Variants in KRT28 observed in about 807,000 individuals in gnomAD.
KRT28 encodes the protein keratin, type I cytoskeletal 28.
In KRT28, 45 loss-of-function variants were observed where a neutral mutation model predicts 48.1. The ratio of observed to expected loss-of-function variants is 0.94; its 90% CI spans 0.74 to 1.20. KRT28 has a LOEUF of 1.20. Among genes scored for constraint, KRT28 ranks in the 50% most tolerant of loss-of-function variants. KRT28 has a pLI of 0.00. For synonymous variants in KRT28, 228 were observed against 227.4 expected (o/e 1.00, Z -0.03); for missense variants, 571 against 574.1 (o/e 0.99, Z 0.06).
chr17:40,799,354 C>T (rs1397642148), intron 1 of KRT28, 90 bp downstream of exon 1: 2 of 1,034,996 alleles, frequency 1.9e-6, no homozygotes, highest in African/African-American at 1.6e-5. Context: ...CAAGTTATAA[C>T]AGTCATGAAG....
At chr17:40,793,666 G>A (rs1762087178) in intron 6 of KRT28, among the ~76,000 whole-genome samples, 163 bp downstream of exon 6, 1 of 152,080 alleles carries the variant, frequency 6.6e-6, no homozygotes, top group Non-Finnish European at 1.5e-5. Context: ...GTGATGAACA[G>A]GATTTGGAAG....
At position 40,793,119 on chromosome 17, in the gene KRT28, A is replaced by G. The variant is rs191543409; in HGVS notation, c.1252+36T>C. ...TGTCTCAAAAAAATTTAAAAAAAGAAAAGAAAAGAAAAGAAATAGAACTAG... is the reference window on the plus strand; with the variant it reads ...TGTCTCAAAAAAATTTAAAAAAAGAGAAGAAAAGAAAAGAAATAGAACTAG... On this transcript the variant is annotated intron_variant, in intron 7 of 7. Transcript: ENST00000306658. 1.6e-4 allele frequency: 228 copies of G among 1,410,538 alleles called. 3 individuals carry two copies. The Admixed American group carries it at 5.0e-3, about 31-fold the overall frequency. 87.4% of individuals were successfully genotyped at this position (1,410,538 alleles called of 1,614,324 possible).
rs764011392 is a variant in KRT28, at chr17:40,792,597, A to G, written c.1253-28T>C. 5.1e-6 allele frequency: 8 copies of G among 1,556,320 alleles called. No individual in the cohort carries two copies. In the East Asian group the frequency reaches 1.8e-4, roughly 35 times the overall value. ...AGAAATAAAACATAGGCATACATAT[A>G]TTCAACCAAAAAGATTACATGACAA... is the stretch of plus-strand genomic sequence containing the variant. On this transcript the variant is annotated intron_variant, in intron 7 of 7. Coordinates refer to ENST00000306658, the MANE Select transcript of KRT28 (RefSeq NM_181535.3).
rs756835671 is a variant in KRT28, at chr17:40,793,933, G to A, written c.1092C>T (p.Thr364=). 2.4e-5 allele frequency: 39 copies of A among 1,613,806 alleles called. No individual in the cohort carries two copies. Among genetic ancestry groups the A allele is most frequent in the Non-Finnish European group, 3.1e-5 (37 of 1,179,872 alleles). The stretch of plus-strand genomic sequence containing the variant: ...ACTCCAGCTTCTGGCCCTCGGTCTC[G>A]GTTCTGACCTGGTGCAGCTGCTCCT... The part of the protein sequence containing the change: ...ALEEQLHQVR[T]ETEGQKLEYE... Residue 364 remains threonine, a synonymous_variant, in exon 6 of 8, where the codon ACC becomes ACT. Transcript: ENST00000306658.
chr17:40,795,377 C>T (rs2143071336), intron 5 of KRT28, among the ~76,000 whole-genome samples: 1 of 152,256 alleles, frequency 6.6e-6, no homozygotes, highest in East Asian at 1.9e-4. Context: ...ACTCATAAGT[C>T]AGAGAGGACA....
At chr17:40,793,440 TA>T (rs1190703403) in intron 6 of KRT28, among the ~76,000 whole-genome samples, 1 of 152,080 alleles carries the variant, frequency 6.6e-6, no homozygotes, top group Non-Finnish European at 1.5e-5. Context: ...CCCAAGAATT[TA>T]AAACTTAAGG....
chr17:40,792,687 A>C (rs185184571), intron 7 of KRT28, 118 bp from the exon 8 acceptor site: 2 of 739,028 alleles, frequency 2.7e-6, no homozygotes, highest in Non-Finnish European at 4.2e-6. Context: ...GTATATATTT[A>C]TAATAATAGC....
intron 2 of KRT28, 138 bp from the exon 3 acceptor site, chr17:40,798,529 G>C: frequency 2.3e-6 from 2 of 872,204 alleles, no homozygotes; most frequent in Non-Finnish European, 3.4e-6. Context: ...TGAAGAAAGC[G>C]CTCCTGCATT....
chr17:40,797,304 C>CT, intron 3 of KRT28, 23 bp from the exon 4 acceptor site: 2 of 1,604,238 alleles, frequency 1.2e-6, no homozygotes, highest in Non-Finnish European at 1.7e-6. Context: ...AAGAGTGTGG[C>CT]TTTAGGGGCA....
rs772215881 is a variant in KRT28 at position 40,798,343 on chromosome 17, G to A, written c.582C>T (p.Asn194=). The change falls in exon 3 of 8, where the codon AAC becomes AAT. Residue 194 remains asparagine (N), a synonymous_variant. Transcript: ENST00000306658. ...GCTCGTCCAGGACTCGCCGTAATCC[G>A]TTGATGTCGGCCTCTACGTTTTGGT... ...TLHQNVEADI[N]GLRRVLDELT... The A allele has an allele frequency of 3.3e-5, 53 of 1,612,728 alleles. No individual in the cohort carries two copies. The highest frequency in any genetic ancestry group is 1.2e-4 in the South Asian group (11 of 91,068).
rs1455845184 is a variant in KRT28 at position 40,797,240 on chromosome 17, G to A, written c.732C>T (p.Asn244=). The part of the protein sequence containing the change: ...ALQCAAGGNV[N]VEMNAAPGVD... ...CCCCCGGGGCCGCGTTCATCTCCACGTTCACGTTGCCCCCAGCCGCGCACT... is the reference window on the plus strand; with the variant it reads ...CCCCCGGGGCCGCGTTCATCTCCACATTCACGTTGCCCCCAGCCGCGCACT... Residue 244 remains asparagine, a synonymous_variant, in exon 4 of 8, where the codon AAC becomes AAT. Transcript: ENST00000306658. 6.2e-6 allele frequency: 10 copies of A among 1,614,116 alleles called. No individual in the cohort carries two copies. The highest frequency in any genetic ancestry group is 7.6e-6 in the Non-Finnish European group (9 of 1,180,010).
Position 40,799,727 on chromosome 17 carries a change from A to G in KRT28, c.167T>C (p.Val56Ala), listed in dbSNP as rs765541530. The G allele has an allele frequency of 4.3e-6, 7 of 1,614,070 alleles. No individual in the cohort carries two copies. The highest frequency in any genetic ancestry group is 1.1e-5 in the South Asian group (1 of 91,056). ...ACCACCAGCATGGCTCCCACCAGGA[A>G]CACTGCCCAAGCCCCCTCCCAAGGC... The part of the protein sequence containing the change: ...SCALGGGLGS[V>A]PGGSHAGGAL... Residue 56 changes from valine (V) to alanine (A), a missense_variant, in exon 1 of 8, where the codon GTT (valine) becomes GCT (alanine). Transcript: ENST00000306658.
intron 5 of KRT28, 53 bp downstream of exon 5, chr17:40,796,863 C>T: frequency 1.2e-5 from 18 of 1,524,384 alleles, no homozygotes; most frequent in Non-Finnish European, 1.5e-5. Context: ...GGAAGTGTTT[C>T]TCGGAGGCTT....
At chr17:40,796,810 T>C in intron 5 of KRT28, 106 bp downstream of exon 5, 3 of 1,414,496 alleles carry the variant, frequency 2.1e-6, no homozygotes, top group Admixed American at 4.6e-5. Flanking sequence ...TGCTAAGTAT[T>C]TGCAGGCAAA....
Position 40,794,011 on chromosome 17 carries a change from C to G in KRT28, c.1014G>C (p.Glu338Asp), listed in dbSNP as rs1330582730. 1.1e-5 allele frequency: 18 copies of G among 1,613,922 alleles called. No homozygotes were observed. Among genetic ancestry groups the G allele is most frequent in the Non-Finnish European group, 1.5e-5 (18 of 1,179,876 alleles). The change falls in exon 6 of 8, where the codon GAG becomes GAC. Residue 338 changes from glutamate (E) to aspartate (D), a missense_variant. By Grantham distance (45) the Glu-to-Asp change is conservative (BLOSUM62 2). Transcript: ENST00000306658. ...GCGCCAGCTGCGTACAGTAGTTGCT[C>G]TCGGTCTCTGTCAAGGAGCACTCCA... is the stretch of plus-strand genomic sequence containing the variant. ...HSLECSLTET[E>D]SNYCTQLAQI...
At chr17:40,793,777 C>G in intron 6 of KRT28, 52 bp downstream of exon 6, 1 of 1,574,594 alleles carries the variant, frequency 6.4e-7, no homozygotes, top group Non-Finnish European at 8.7e-7. Flanking sequence ...GGGCAGCCCA[C>G]ATTTGTAGCT....
chr17:40,795,251 G>A lies in KRT28; in HGVS notation c.979-1205C>T, dbSNP rs568704323. 2.6e-5 allele frequency among the ~76,000 whole-genome samples: 4 copies of A among 152,312 alleles called. No homozygotes were observed. In the South Asian group the frequency reaches 6.2e-4, roughly 24 times the overall value. Reference sequence around the variant, plus strand: ...TGGAAGGAGATCAGGATGGTAATGCGGAGAGTAAGGCAACAGGTAGCAAGA... The same window carrying A: ...TGGAAGGAGATCAGGATGGTAATGCAGAGAGTAAGGCAACAGGTAGCAAGA... On this transcript the variant is annotated intron_variant, in intron 5 of 7. Transcript: ENST00000306658.
At chr17:40,796,220 T>C (rs1904610585) in intron 5 of KRT28, among the ~76,000 whole-genome samples, 2 of 152,246 alleles carry the variant, frequency 1.3e-5, no homozygotes, top group Non-Finnish European at 2.9e-5. Flanking sequence ...GCCATGTGCA[T>C]GCCGTAATTC....
chr17:40,792,535 AACC>A lies in KRT28; in HGVS notation c.1284_1286del (p.Val429del). 1 of 1,613,232 alleles carries A rather than the reference AACC, an allele frequency of 6.2e-7. No individual in the cohort carries two copies. The highest frequency in any genetic ancestry group is 8.5e-7 in the Non-Finnish European group (1 of 1,179,618). On this transcript the variant is annotated inframe_deletion, in exon 8 of 8. Coordinates refer to ENST00000306658, the MANE Select transcript of KRT28 (RefSeq NM_181535.3). ...CTTTACCACGTTGATCTAGCTCTTCAACCACTGTCTTTACCAGTGTGGTTTTGG... is the reference window on the plus strand; with the variant it reads ...CTTTACCACGTTGATCTAGCTCTTCAACTGTCTTTACCAGTGTGGTTTTGG...
Sources: allele counts gnomAD v4.1 joint callset (sites outside exome capture counted in the v4.1 genomes callset), GRCh38; gene constraint gnomAD v4.1.1; transcripts MANE v1.5; gene names NCBI Gene and HGNC (gene_info 2026-07-23, HGNC 2026-07-21).